The following B4GALT1 variants were observed in gnomAD, a reference collection of about 807,000 sequenced individuals.
The protein encoded by B4GALT1 is N-acetyllactosamine synthase.
In B4GALT1, 16 loss-of-function variants were observed where a neutral mutation model predicts 34.9. The observed-to-expected ratio is 0.46, with a 90% CI of 0.31 to 0.70. The LOEUF (loss-of-function observed/expected upper bound fraction) is 0.70, where lower values mean the gene tolerates loss of function less well. B4GALT1 is among the 30% of genes least tolerant of loss of function. B4GALT1 has a pLI of 0.05. For missense variants in B4GALT1, 445 were observed against 530.5 expected, an observed-to-expected ratio of 0.84 and a Z score of 1.58; for synonymous variants, 221 against 218.1, an observed-to-expected ratio of 1.01 and a Z score of -0.12.
At chr9:33,109,594 G>A (rs1839831442), downstream of B4GALT1, among the ~76,000 whole-genome samples, 1 of 152,170 alleles carries the variant, frequency 6.6e-6, no homozygotes, top group Non-Finnish European at 1.5e-5. Flanking sequence ...TGTGAGCCCA[G>A]GAGTTTCAGG....
intron 3 of B4GALT1, among the ~76,000 whole-genome samples, chr9:33,116,487 G>A (rs948248669): frequency 2.7e-4 from 39 of 146,730 alleles, no homozygotes; most frequent in Admixed American, 2.5e-3. Flanking sequence ...CTCCCAAAGT[G>A]CTGGGATTAC....
chr9:33,164,252 T>C (rs1320068806), intron 1 of B4GALT1, among the ~76,000 whole-genome samples: 1 of 151,928 alleles, frequency 6.6e-6, no homozygotes, highest in Admixed American at 6.6e-5. Context: ...CCCACCAACC[T>C]CAAAACCACC....
intron 1 of B4GALT1, among the ~76,000 whole-genome samples, chr9:33,149,189 GA>G (rs1302792178): frequency 3.3e-4 from 40 of 121,090 alleles, no homozygotes; most frequent in African/African-American, 1.2e-3. Flanking sequence ...TGAAAGGTAA[GA>G]AAAAAAATTT....
intron 4 of B4GALT1, among the ~76,000 whole-genome samples, chr9:33,115,241 T>C (rs1839922564): frequency 1.3e-5 from 2 of 152,246 alleles, no homozygotes; most frequent in African/African-American, 4.8e-5. Flanking sequence ...CACCTTCTGT[T>C]AACTGGTACT....
chr9:33,150,270 CGA>C (rs375327326), intron 1 of B4GALT1, among the ~76,000 whole-genome samples: 282 of 87,316 alleles, frequency 3.2e-3, no homozygotes, highest in Middle Eastern at 6.3e-3. Flanking sequence ...ACACACAGAG[CGA>C]GAGAGAGAGA....
At position 33,135,217 on chromosome 9, in the gene B4GALT1, A is replaced by C. The variant is rs771331154; in HGVS notation, c.620T>G (p.Leu207Arg). Residue 207 changes from leucine (L) to arginine (R), a missense_variant, in exon 2 of 6, where the codon CTG becomes CGG. By Grantham distance (102) the Leu-to-Arg change is moderately radical (BLOSUM62 -2). Around this residue, in one of 3 missense-constraint regions of B4GALT1, gnomAD observed 349 missense variants for 395.5 expected, o/e 0.88. Transcript: ENST00000379731. ...GTTGATAACATAGATGCCATAGTCC[A>C]GCTGCTGGCGCTGCAGGACTGGGTG... ...YLHPVLQRQQLDYGIYVINQA... is the reference protein window; with the variant it reads ...YLHPVLQRQQRDYGIYVINQA... 6.2e-7 allele frequency: 1 copy of C among 1,613,930 alleles called. No homozygotes were observed. Among genetic ancestry groups the C allele is most frequent in the African/African-American group, 1.3e-5 (1 of 74,882 alleles).
chr9:33,136,989 C>T (rs1272121314), intron 1 of B4GALT1, among the ~76,000 whole-genome samples: 1 of 128,882 alleles, frequency 7.8e-6, no homozygotes, highest in African/African-American at 3.2e-5. Context: ...CTGCCACTTC[C>T]ACCCCCTTCC....
chr9:33,165,970 T>A lies in B4GALT1; in HGVS notation c.412+788A>T, dbSNP rs560075551. Among the ~76,000 whole-genome samples the A allele has an allele frequency of 2.0e-5, 3 of 152,228 alleles. No individual in the cohort carries two copies. The East Asian group carries it at 5.8e-4, about 29-fold the overall frequency. ...AATGGGCAACGTGGTGTTGACTGGT[T>A]ATATTTTAGCCCTCTAACACCCAGA... On this transcript the variant is annotated intron_variant, in intron 1 of 5. Coordinates refer to ENST00000379731, the MANE Select transcript of B4GALT1 (RefSeq NM_001497.4).
chr9:33,140,345 G>A (rs1257797574), intron 1 of B4GALT1, among the ~76,000 whole-genome samples: 1 of 152,182 alleles, frequency 6.6e-6, no homozygotes, highest in Non-Finnish European at 1.5e-5. Flanking sequence ...GACCATGTAG[G>A]TGTTTTTTAA....
the B4GALT1 span, among the ~76,000 whole-genome samples, chr9:33,180,509 A>G: frequency 6.6e-6 from 1 of 152,212 alleles, no homozygotes; most frequent in Non-Finnish European, 1.5e-5. Flanking sequence ...TCCTTTAAAT[A>G]AAGTCCATGT....
At chr9:33,107,506 CA>C (rs912244647), downstream of B4GALT1, among the ~76,000 whole-genome samples, 3 of 152,198 alleles carry the variant, frequency 2.0e-5, no homozygotes, top group Admixed American at 6.5e-5. Context: ...CATTCACCCC[CA>C]GGGGCAGCCG....
At chr9:33,104,947 G>A (rs1458494712) in intron 2 of B4GALT1, among the ~76,000 whole-genome samples, 1 of 151,362 alleles carries the variant, frequency 6.6e-6, no homozygotes, top group Non-Finnish European at 1.5e-5. Flanking sequence ...AGCCTCCTGA[G>A]TGCCTGGGAT....
chr9:33,178,439 G>C, the B4GALT1 span, among the ~76,000 whole-genome samples: 4 of 152,226 alleles, frequency 2.6e-5, no homozygotes, highest in Admixed American at 1.3e-4. Context: ...GAAAGAATTT[G>C]TGGCCATCTT....
At chr9:33,107,094 A>G (rs2117971488), downstream of B4GALT1, among the ~76,000 whole-genome samples, 1 of 152,126 alleles carries the variant, frequency 6.6e-6, no homozygotes, top group Non-Finnish European at 1.5e-5. Context: ...TGACCCTGTC[A>G]CTCATAACAA....
intron 1 of B4GALT1, among the ~76,000 whole-genome samples, chr9:33,160,454 A>C (rs1351227549): frequency 6.6e-6 from 1 of 152,228 alleles, no homozygotes; most frequent in Non-Finnish European, 1.5e-5. Flanking sequence ...ATGTCAATCT[A>C]TCTGTTCATC....
At chr9:33,141,496 G>A (rs976823887) in intron 1 of B4GALT1, among the ~76,000 whole-genome samples, 4 of 152,092 alleles carry the variant, frequency 2.6e-5, no homozygotes, top group East Asian at 3.8e-4. Flanking sequence ...CAGCCTGGGC[G>A]ACAGAGCAAG....
chr9:33,135,482 A>G, intron 1 of B4GALT1, 58 bp from the exon 2 acceptor site: 3 of 1,516,878 alleles, frequency 2.0e-6, no homozygotes, highest in Non-Finnish European at 2.7e-6. Flanking sequence ...ACCGCTCCAC[A>G]GGCTGCATCA....
At chr9:33,123,910 C>T (rs1840057673) in intron 2 of B4GALT1, among the ~76,000 whole-genome samples, 1 of 152,200 alleles carries the variant, frequency 6.6e-6, no homozygotes, top group Admixed American at 6.5e-5. Context: ...CCGGCCCAGA[C>T]TTAAAATTGG....
At chr9:33,137,418 T>G (rs1840287063) in intron 1 of B4GALT1, among the ~76,000 whole-genome samples, 1 of 152,204 alleles carries the variant, frequency 6.6e-6, no homozygotes, top group African/African-American at 2.4e-5. Flanking sequence ...CCTCCCTCTC[T>G]GGTCATGCAC....
Sources: allele counts gnomAD v4.1 joint callset (sites outside exome capture counted in the v4.1 genomes callset), GRCh38; gene constraint gnomAD v4.1.1; regional missense constraint gnomAD v4.1.1; transcripts MANE v1.5; gene names NCBI Gene and HGNC (gene_info 2026-07-23, HGNC 2026-07-21).